The following TMPRSS5 variants were observed in gnomAD, a reference collection of about 807,000 sequenced individuals.
TMPRSS5 encodes transmembrane protease serine 5.
Under a neutral mutation model 59.7 loss-of-function variants are expected in TMPRSS5, and 45 were observed. The observed-to-expected ratio is 0.75, with a 90% CI of 0.59 to 0.97. The LOEUF is 0.97. TMPRSS5 is among the 50% of genes least tolerant of loss of function. The probability of loss-of-function intolerance (pLI) is 0.00; values close to 1 mark genes in which losing one functional copy is unlikely to be tolerated. For synonymous variants in TMPRSS5, 225 were observed against 232.0 expected (o/e 0.97, Z 0.27); for missense variants, 585 against 596.7 (o/e 0.98, Z 0.20).
At chr11:113,702,459 G>T (rs536445933) in intron 1 of TMPRSS5, among the ~76,000 whole-genome samples, 12 of 152,174 alleles carry the variant, frequency 7.9e-5, no homozygotes, top group African/African-American at 2.2e-4. Context: ...AGCATAAAAG[G>T]TTGGAAAATT....
intron 12 of TMPRSS5, among the ~76,000 whole-genome samples, chr11:113,688,484 C>A (rs1286866146): frequency 6.6e-6 from 1 of 152,138 alleles, no homozygotes; most frequent in Non-Finnish European, 1.5e-5. Flanking sequence ...TATTATCTAC[C>A]AACCCCCACC....
In TMPRSS5 at chr11:113,690,345, C is replaced by T. The variant is rs554451279; in HGVS notation, c.1092G>A (p.Thr364=). 16 of 1,605,250 alleles carry T rather than the reference C, an allele frequency of 1.0e-5. No homozygotes were observed. The highest frequency in any genetic ancestry group is 1.7e-5 in the Admixed American group (1 of 58,844). The change falls in exon 11 of 13, where the codon ACG becomes ACA. Residue 364 remains threonine (T), a synonymous_variant. Coordinates refer to ENST00000299882, the MANE Select transcript of TMPRSS5 (RefSeq NM_030770.4). ...GCTGAGTGCTGAACAAGGGCACCAC[C>T]GTGTCCTGGAGCATATCCGAGCTGT... The part of the protein sequence containing the change: ...HTYSSDMLQD[T]VVPLFSTQLC...
At chr11:113,700,237 T>C in intron 1 of TMPRSS5, 69 bp from the exon 2 acceptor site, 1 of 1,350,924 alleles carries the variant, frequency 7.4e-7, no homozygotes, top group Non-Finnish European at 9.9e-7. Context: ...CACAGCCCAG[T>C]CCAAGTCCCC....
rs1225482859 is a variant in TMPRSS5 at position 113,697,345 on chromosome 11, G to A, written c.402C>T (p.Val134=). 7.4e-6 allele frequency: 12 copies of A among 1,613,712 alleles called. No homozygotes were observed. In the Admixed American group the frequency reaches 2.0e-4, roughly 27 times the overall value. ...GGGCGGGGCTCCAGCCCTCATGGCAGACCAGGAGCCAGCGTGGCTGATCCC... is the reference window on the plus strand; with the variant it reads ...GGGCGGGGCTCCAGCCCTCATGGCAAACCAGGAGCCAGCGTGGCTGATCCC... The part of the protein sequence containing the change: ...QVRDQPRWLL[V]CHEGWSPALG... The change falls in exon 5 of 13, where the codon GTC becomes GTT. Residue 134 remains valine (V), a synonymous_variant. Coordinates refer to ENST00000299882, the MANE Select transcript of TMPRSS5 (RefSeq NM_030770.4).
rs58784708 is a variant in TMPRSS5 at position 113,691,892 on chromosome 11, C to CTTTTTTTTTTTTTTTTTTTTTTTTTTT, written c.965-954_965-953insAAAAAAAAAAAAAAAAAAAAAAAAAAA. Among the ~76,000 whole-genome samples the CTTTTTTTTTTTTTTTTTTTTTTTTTTT allele has an allele frequency of 1.2e-4, 15 of 121,114 alleles. 4 individuals carry two copies. The highest frequency in any genetic ancestry group is 1.1e-4 in the Non-Finnish European group (7 of 62,730). 79.5% of individuals were successfully genotyped at this position (121,114 alleles called of 152,430 possible). A position where few individuals can be genotyped will look rare whatever the true frequency, so the allele number is the denominator to read the frequency against. ...AGAAAGTTTTCTTTTCCTTTTTTTTCTTTTTTTTTTTTTGAGACGGAGTCT... is the reference window on the plus strand; with the variant it reads ...AGAAAGTTTTCTTTTCCTTTTTTTTCTTTTTTTTTTTTTTTTTTTTTTTTTTTTTTTTTTTTTTTTGAGACGGAGTCT... On this transcript the variant is annotated intron_variant, in intron 9 of 12. Transcript: ENST00000299882.
intron 9 of TMPRSS5, among the ~76,000 whole-genome samples, chr11:113,692,303 G>A (rs1565256467): frequency 6.6e-6 from 1 of 152,192 alleles, no homozygotes; most frequent in Admixed American, 6.5e-5. Flanking sequence ...AGGAAGGAGT[G>A]TTAAGTATAT....
chr11:113,706,243 T>G lies in TMPRSS5; in HGVS notation c.-19A>C, dbSNP rs1409337835. The G allele has an allele frequency of 9.4e-6, 15 of 1,600,966 alleles. No homozygotes were observed. In the Admixed American group the frequency reaches 1.4e-4, roughly 15 times the overall value. ...TTACCATAGGGGTCAGTGGCACTGT[T>G]GTAAAGCCTCAGGGTCTACTAGGCA... On this transcript the variant is annotated 5_prime_UTR_variant, in exon 1 of 13. Coordinates refer to ENST00000299882, the MANE Select transcript of TMPRSS5 (RefSeq NM_030770.4).
rs554451279 is a variant in TMPRSS5 at position 113,690,345 on chromosome 11, C to A, written c.1092G>T (p.Thr364=). 6.2e-7 allele frequency: 1 copy of A among 1,605,252 alleles called. No individual in the cohort carries two copies. Among genetic ancestry groups the A allele is most frequent in the East Asian group, 2.2e-5 (1 of 44,616 alleles). Residue 364 remains threonine (T), a synonymous_variant, in exon 11 of 13, where the codon ACG becomes ACT. Transcript: ENST00000299882. ...HTYSSDMLQD[T]VVPLFSTQLC... ...GCTGAGTGCTGAACAAGGGCACCAC[C>A]GTGTCCTGGAGCATATCCGAGCTGT...
chr11:113,703,119 C>T (rs944007217), intron 1 of TMPRSS5, among the ~76,000 whole-genome samples: 1 of 152,230 alleles, frequency 6.6e-6, no homozygotes, highest in African/African-American at 2.4e-5. Flanking sequence ...GGAAAAGCTG[C>T]AGCCCATGAA....
Position 113,689,923 on chromosome 11 carries a change from G to A in TMPRSS5, c.1207-6C>T, listed in dbSNP as rs1231329661. ...AGGGGGCCCCCGCTATCTCCCTAAG[G>A]GATCCAGGCATGGAGACACAGAGAA... is the stretch of plus-strand genomic sequence containing the variant. On this transcript the variant is annotated splice_polypyrimidine_tract_variant and splice_region_variant and intron_variant, in intron 11 of 12. Coordinates refer to ENST00000299882, the MANE Select transcript of TMPRSS5 (RefSeq NM_030770.4). The A allele has an allele frequency of 6.5e-7, 1 of 1,545,774 alleles. No homozygotes were observed. Among genetic ancestry groups the A allele is most frequent in the Admixed American group, 2.0e-5 (1 of 50,668 alleles).
chr11:113,705,040 G>A (rs1953254556), intron 1 of TMPRSS5, among the ~76,000 whole-genome samples: 1 of 152,116 alleles, frequency 6.6e-6, no homozygotes, highest in Non-Finnish European at 1.5e-5. Context: ...ATCCAGTAGG[G>A]TAGATAAGAT....
At position 113,690,320 on chromosome 11, in the gene TMPRSS5, G is replaced by A; in HGVS notation, c.1117C>T (p.Leu373Phe). The change falls in exon 11 of 13, where the codon CTC becomes TTC. Residue 373 changes from leucine (L) to phenylalanine (F), a missense_variant. By Grantham distance (22) the Leu-to-Phe change is conservative. Coordinates refer to ENST00000299882, the MANE Select transcript of TMPRSS5 (RefSeq NM_030770.4). ...DTVVPLFSTQ[L>F]CNSSCVYSGA... ...CTGTACACGCAAGAGCTGTTGCAGAGCTGAGTGCTGAACAAGGGCACCACC... is the reference window on the plus strand; with the variant it reads ...CTGTACACGCAAGAGCTGTTGCAGAACTGAGTGCTGAACAAGGGCACCACC... 6.2e-7 allele frequency: 1 copy of A among 1,602,060 alleles called. No homozygotes were observed. The highest frequency in any genetic ancestry group is 8.5e-7 in the Non-Finnish European group (1 of 1,175,082).
Position 113,698,986 on chromosome 11 carries a change from T to C in TMPRSS5, c.247A>G (p.Thr83Ala), listed in dbSNP as rs767757954. 5 of 1,609,898 alleles carry C rather than the reference T, an allele frequency of 3.1e-6. No homozygotes were observed. In the East Asian group the frequency reaches 1.1e-4, roughly 36 times the overall value. ...AAAGTTATCTCCTCATCCTGCAAGGTCCCGGAAATGGGCTGAGAGGCAGCA... is the reference window on the plus strand; with the variant it reads ...AAAGTTATCTCCTCATCCTGCAAGGCCCCGGAAATGGGCTGAGAGGCAGCA... The part of the protein sequence containing the change: ...CPAASQPISG[T>A]LQDEEITLSC... Residue 83 changes from threonine to alanine, a missense_variant, in exon 4 of 13, where the codon ACC becomes GCC. Transcript: ENST00000299882.
In TMPRSS5 at chr11:113,690,901, G is replaced by A. The variant is rs375638868; in HGVS notation, c.1003C>T (p.His335Tyr). The A allele has an allele frequency of 5.0e-6, 8 of 1,597,138 alleles. No homozygotes were observed. The African/African-American group carries it at 1.1e-4, about 21-fold the overall frequency. ...CAGCACCGCGAGCCCTTCGGAAAATGCTGTTCCTTGGCCGGCAGGCACACA... is the reference window on the plus strand; with the variant it reads ...CAGCACCGCGAGCCCTTCGGAAAATACTGTTCCTTGGCCGGCAGGCACACA... ...GAVCLPAKEQ[H>Y]FPKGSRCWVS... is the part of the protein sequence containing the mutation. Residue 335 changes from histidine to tyrosine, a missense_variant, in exon 10 of 13, where the codon CAT becomes TAT. Coordinates refer to ENST00000299882, the MANE Select transcript of TMPRSS5 (RefSeq NM_030770.4).
chr11:113,693,012 AG>A, intron 9 of TMPRSS5, 58 bp downstream of exon 9: 1 of 866,082 alleles, frequency 1.2e-6, no homozygotes, highest in Non-Finnish European at 1.8e-6. Context: ...TCTCCCACCC[AG>A]CCCCCGCCCT....
At chr11:113,690,172 C>CCGGGG in intron 11 of TMPRSS5, 59 bp downstream of exon 11, 1 of 755,490 alleles carries the variant, frequency 1.3e-6, no homozygotes, top group African/African-American at 1.8e-5. Context: ...ACAGCAGGCC[C>CCGGGG]CCTGCCCTCC....
At position 113,694,537 on chromosome 11, in the gene TMPRSS5, C is replaced by T. The variant is rs753080656; in HGVS notation, c.726G>A (p.Thr242=). The change falls in exon 8 of 13, where the codon ACG becomes ACA. Residue 242 remains threonine, a synonymous_variant. Transcript: ENST00000299882. ...GTGGCGCTAGCACAGAGCCCCCACA[C>T]GTGTGCCGGAAGCCCAGGGCCACGC... The part of the protein sequence containing the change: ...QASVALGFRH[T]CGGSVLAPRW... 52 of 1,560,136 alleles carry T rather than the reference C, an allele frequency of 3.3e-5. No individual in the cohort carries two copies. In the South Asian group the frequency reaches 3.8e-4, roughly 11 times the overall value.
chr11:113,688,842 T>C (rs1051543637), intron 12 of TMPRSS5, among the ~76,000 whole-genome samples: 1 of 152,038 alleles, frequency 6.6e-6, no homozygotes, highest in Non-Finnish European at 1.5e-5. Flanking sequence ...ATTACAGGCG[T>C]GAGCCACCCC....
Position 113,692,242 on chromosome 11 carries a change from G to A in TMPRSS5, c.964+829C>T, listed in dbSNP as rs932014828. Among the ~76,000 whole-genome samples, 3 of 129,042 alleles carry A rather than the reference G, an allele frequency of 2.3e-5. No individual in the cohort carries two copies. The East Asian group carries it at 6.3e-4, about 27-fold the overall frequency. 84.7% of individuals were successfully genotyped at this position (129,042 alleles called of 152,430 possible). On this transcript the variant is annotated intron_variant, in intron 9 of 12. Transcript: ENST00000299882. ...GTATGTGATACAATTTGTGAAATGT[G>A]TATGGCAATGACTGTTATTTGGGAA...
Sources: gnomAD v4.1 joint callset for allele counts (sites outside exome capture counted in the v4.1 genomes callset) on GRCh38, gnomAD v4.1.1 for gene constraint, MANE v1.5 for transcripts, NCBI Gene and HGNC (gene_info 2026-07-23, HGNC 2026-07-21) for gene names.